Variants in GPC6 observed in about 807,000 individuals in gnomAD.
The protein encoded by GPC6 is glypican-6.
In GPC6, 14 loss-of-function variants were observed where a neutral mutation model predicts 55.2. The ratio of observed to expected loss-of-function variants is 0.25; its 90% CI spans 0.17 to 0.40. GPC6 has a LOEUF of 0.40. GPC6 is among the 10% of genes least tolerant of loss of function. The pLI is 1.00. For synonymous variants in GPC6, 278 were observed against 259.6 expected, an observed-to-expected ratio of 1.07 and a Z score of -0.68; for missense variants, 641 against 708.5, an observed-to-expected ratio of 0.90 and a Z score of 1.08.
chr13:94,273,902 A>G (rs942709201), intron 4 of GPC6, among the ~76,000 whole-genome samples: 6 of 152,242 alleles, frequency 3.9e-5, no homozygotes, highest in African/African-American at 1.4e-4. Flanking sequence ...CAAGCTACAA[A>G]TGACATAAAA....
intron 4 of GPC6, among the ~76,000 whole-genome samples, chr13:94,109,277 A>G (rs1886158916): frequency 6.6e-6 from 1 of 152,338 alleles, no homozygotes; most frequent in South Asian, 2.1e-4. Flanking sequence ...TTCTTGTAAC[A>G]ATCCCCAAAC....
At chr13:93,379,486 T>G (rs1875065408) in intron 1 of GPC6, among the ~76,000 whole-genome samples, 1 of 152,186 alleles carries the variant, frequency 6.6e-6, no homozygotes, top group South Asian at 2.1e-4. Context: ...TTCTTATATA[T>G]GCCCCATTAA....
intron 4 of GPC6, among the ~76,000 whole-genome samples, chr13:94,088,963 G>A (rs537937865): frequency 1.3e-5 from 2 of 152,102 alleles, no homozygotes; most frequent in East Asian, 1.9e-4. Flanking sequence ...TGAGATTATC[G>A]GGCATATTCG....
intron 1 of GPC6, among the ~76,000 whole-genome samples, chr13:93,525,671 A>T (rs1186189464): frequency 1.3e-5 from 2 of 152,120 alleles, no homozygotes; most frequent in African/African-American, 2.4e-5. Context: ...CTTAACAAAA[A>T]AAGGCCTGGG....
At chr13:93,815,923 C>T (rs1216534132) in intron 2 of GPC6, among the ~76,000 whole-genome samples, 1 of 152,134 alleles carries the variant, frequency 6.6e-6, no homozygotes, top group Non-Finnish European at 1.5e-5. Context: ...TAACTCCTGA[C>T]ATCAATAAGA....
chr13:93,873,026 A>C (rs1393478543), intron 3 of GPC6, among the ~76,000 whole-genome samples: 2 of 152,014 alleles, frequency 1.3e-5, no homozygotes, highest in Non-Finnish European at 2.9e-5. Flanking sequence ...TAAAACAATA[A>C]TACAACAAAA....
chr13:93,812,298 T>A (rs1023903498), intron 2 of GPC6, among the ~76,000 whole-genome samples: 6 of 151,634 alleles, frequency 4.0e-5, no homozygotes, highest in African/African-American at 1.2e-4. Context: ...CTGAGGCAGA[T>A]TTGCTTGAAA....
intron 3 of GPC6, among the ~76,000 whole-genome samples, chr13:93,910,586 A>G (rs1352613304): frequency 6.6e-6 from 1 of 152,040 alleles, no homozygotes; most frequent in African/African-American, 2.4e-5. Context: ...ACGGTTTATC[A>G]CCACTGGCCC....
In GPC6 at chr13:93,784,307, C is replaced by T. The variant is rs9589829; in HGVS notation, c.320-45847C>T. On this transcript the variant is annotated intron_variant, in intron 2 of 8. Transcript: ENST00000377047. ...AGAGCAAGGAGACATGAATATTTCC[C>T]TGTAGTTACTGGATCAGAACAACCT... Among the ~76,000 whole-genome samples the T allele has an allele frequency of 8.0e-3, 1,225 of 152,286 alleles. 25 individuals are homozygous for T. Among genetic ancestry groups the T allele is most frequent in the African/African-American group, 0.028 (1,181 of 41,550 alleles).
chr13:94,296,634 G>A (rs756078145), intron 5 of GPC6, among the ~76,000 whole-genome samples: 12 of 152,166 alleles, frequency 7.9e-5, no homozygotes, highest in Non-Finnish European at 1.8e-4. Flanking sequence ...GGTTCTGATC[G>A]AGTCATTGCC....
rs544785473 is a variant in GPC6 at position 93,719,220 on chromosome 13, G to T, written c.320-110934G>T. ...TTGATTCTTCCTATCCATGAGCATG[G>T]AATGTTTTTCCATTAGTTTGTGTCC... On this transcript the variant is annotated intron_variant, in intron 2 of 8. Transcript: ENST00000377047. Among the ~76,000 whole-genome samples, 64 of 152,186 alleles carry T rather than the reference G, an allele frequency of 4.2e-4. 1 individual carries two copies. In the South Asian group the frequency reaches 0.013, roughly 31 times the overall value.
At chr13:93,252,012 G>A (rs530240696) in intron 1 of GPC6, among the ~76,000 whole-genome samples, 146 of 152,284 alleles carry the variant, frequency 9.6e-4, no homozygotes, top group Non-Finnish European at 1.3e-3. Context: ...TGTTTGATAA[G>A]TTGCTTTGAT....
intron 4 of GPC6, among the ~76,000 whole-genome samples, chr13:94,066,796 C>G (rs544510685): frequency 1.4e-4 from 21 of 152,170 alleles, no homozygotes; most frequent in Non-Finnish European, 2.8e-4. Flanking sequence ...ATTTAACTAC[C>G]AACCACTTTC....
chr13:94,109,662 T>C (rs1333523834), intron 4 of GPC6, among the ~76,000 whole-genome samples: 1 of 152,158 alleles, frequency 6.6e-6, no homozygotes, highest in Admixed American at 6.5e-5. Flanking sequence ...ATGTAGTCAG[T>C]ATGGTACCTA....
At chr13:94,335,885 C>T (rs1265821752) in intron 6 of GPC6, among the ~76,000 whole-genome samples, 1 of 144,122 alleles carries the variant, frequency 6.9e-6, no homozygotes, top group Non-Finnish European at 1.5e-5. Context: ...ACCCTGCTCT[C>T]TTCACTGTTG....
At chr13:93,566,031 A>G (rs1194374076) in intron 2 of GPC6, among the ~76,000 whole-genome samples, 1 of 152,176 alleles carries the variant, frequency 6.6e-6, no homozygotes, top group Non-Finnish European at 1.5e-5. Flanking sequence ...TGAGTGAATT[A>G]CCTTTTGATG....
At chr13:93,266,833 T>C (rs534931975) in intron 1 of GPC6, among the ~76,000 whole-genome samples, 2 of 152,200 alleles carry the variant, frequency 1.3e-5, no homozygotes, top group Non-Finnish European at 2.9e-5. Flanking sequence ...CATATAGCCT[T>C]GTGGCTTTTG....
intron 1 of GPC6, among the ~76,000 whole-genome samples, chr13:93,448,894 CTTCT>C (rs1878108876): frequency 6.6e-6 from 1 of 152,032 alleles, no homozygotes; most frequent in Non-Finnish European, 1.5e-5. Flanking sequence ...CAAAATAAAA[CTTCT>C]TTGAGCATCT....
At chr13:93,800,623 A>G (rs1336238818) in intron 2 of GPC6, among the ~76,000 whole-genome samples, 3 of 152,198 alleles carry the variant, frequency 2.0e-5, no homozygotes. Flanking sequence ...CTTGCCAGAA[A>G]AGCATTTAAT....
Sources: allele counts gnomAD v4.1 joint callset (sites outside exome capture counted in the v4.1 genomes callset), GRCh38; gene constraint gnomAD v4.1.1; transcripts MANE v1.5; gene names NCBI Gene and HGNC (gene_info 2026-07-23, HGNC 2026-07-21).